The following TBC1D23 variants were observed in gnomAD, a reference collection of about 807,000 sequenced individuals.
TBC1D23 encodes HCV non-structural protein 4A-transactivated protein 1.
TBC1D23 carries 55 observed loss-of-function variants against 91.4 expected under a neutral mutation model. That is an observed-to-expected ratio of 0.60 (90% confidence interval 0.48 to 0.75). The LOEUF (loss-of-function observed/expected upper bound fraction) is 0.75. Ranked by LOEUF, TBC1D23 falls within the 30% of genes least tolerant of loss-of-function variation. The probability of loss-of-function intolerance (pLI) is 0.00; values close to 1 mark genes in which losing one functional copy is unlikely to be tolerated. For missense variants in TBC1D23, 725 were observed against 836.1 expected (o/e 0.87, Z 1.64); for synonymous variants, 289 against 281.0 (o/e 1.03, Z -0.28).
Position 100,295,165 on chromosome 3 carries a change from C to A in TBC1D23, c.679C>A (p.Pro227Thr), listed in dbSNP as rs749976245. The change falls in exon 6 of 19, where the codon CCA becomes ACA. Residue 227 changes from proline to threonine, a missense_variant. Physicochemically the swap from Pro to Thr is conservative, Grantham distance 38 (BLOSUM62 -1). Transcript: ENST00000394144. ...IWDGYLQQAD[P>T]FFIYFLMLII... ...GGATGGATATCTACAACAAGCAGAT[C>A]CATTTTTTATTTATTTCTTAATGTT... 3.7e-6 allele frequency: 6 copies of A among 1,605,326 alleles called. No individual in the cohort carries two copies. Among genetic ancestry groups the A allele is most frequent in the Non-Finnish European group, 5.1e-6 (6 of 1,176,292 alleles).
intron 9 of TBC1D23, 58 bp downstream of exon 9, chr3:100,298,103 A>G (rs1180160878): frequency 2.5e-5 from 37 of 1,483,080 alleles, no homozygotes; most frequent in Non-Finnish European, 3.4e-5. Flanking sequence ...CAAGGAACCA[A>G]CTTCCTCCCT....
intron 4 of TBC1D23, among the ~76,000 whole-genome samples, chr3:100,287,213 A>G (rs1182201308): frequency 6.6e-6 from 1 of 152,150 alleles, no homozygotes; most frequent in Non-Finnish European, 1.5e-5. Flanking sequence ...CTTAAGCTCA[A>G]GCGATTCTCC....
intron 16 of TBC1D23, 39 bp from the exon 17 acceptor site, chr3:100,319,030 T>C (rs751585230): frequency 7.5e-7 from 1 of 1,333,512 alleles, no homozygotes; most frequent in South Asian, 1.3e-5. Flanking sequence ...ATTTTAAAAG[T>C]TGGTAATATC....
At position 100,269,014 on chromosome 3, in the gene TBC1D23, G is replaced by A. The variant is rs145745281; in HGVS notation, c.53+7943G>A. Among the ~76,000 whole-genome samples, 713 of 152,250 alleles carry A rather than the reference G, an allele frequency of 4.7e-3. 2 individuals are homozygous for A. Among genetic ancestry groups the A allele is most frequent in the Non-Finnish European group, 6.4e-3 (432 of 68,010 alleles). ...TTTTCTTAGCAGAGAAAAGGGCACCGTTGGTACCATTGGTGTAATTTGATC... is the reference window on the plus strand; with the variant it reads ...TTTTCTTAGCAGAGAAAAGGGCACCATTGGTACCATTGGTGTAATTTGATC... On this transcript the variant is annotated intron_variant, in intron 1 of 18. Coordinates refer to ENST00000394144, the MANE Select transcript of TBC1D23 (RefSeq NM_001199198.3).
At chr3:100,321,941 T>A (rs1020621848) in intron 18 of TBC1D23, among the ~76,000 whole-genome samples, 15 of 152,036 alleles carry the variant, frequency 9.9e-5, no homozygotes, top group African/African-American at 3.6e-4. Flanking sequence ...GTTAACACAT[T>A]GATGTGTATC....
In TBC1D23 at chr3:100,325,074, T is replaced by G. The variant is rs1158081916; in HGVS notation, c.*1406T>G. On this transcript the variant is annotated 3_prime_UTR_variant, in exon 19 of 19. Coordinates refer to ENST00000394144, the MANE Select transcript of TBC1D23 (RefSeq NM_001199198.3). ...TGATATAACTCTCCCCTAAAACTGT[T>G]GTAATTGCATTTTTTCCCTTTTCTT... 6.6e-6 allele frequency: 1 copy of G among 152,258 alleles called. No homozygotes were observed. Among genetic ancestry groups the G allele is most frequent in the Non-Finnish European group, 1.5e-5 (1 of 68,048 alleles). The allele number at this position is 152,258 out of a possible 1,614,324, so 9.4% of individuals were successfully genotyped here.
chr3:100,318,958 G>C, intron 16 of TBC1D23, 111 bp from the exon 17 acceptor site: 1 of 666,910 alleles, frequency 1.5e-6, no homozygotes, highest in South Asian at 2.3e-5. Context: ...CAGGCTGTTT[G>C]TTTTTCAATC....
chr3:100,291,748 A>C, intron 5 of TBC1D23, among the ~76,000 whole-genome samples: 1 of 151,356 alleles, frequency 6.6e-6, no homozygotes, highest in Non-Finnish European at 1.5e-5. Context: ...AAATCTCATT[A>C]ATGTTTGGCT....
At chr3:100,265,912 G>A (rs1426358585) in intron 1 of TBC1D23, among the ~76,000 whole-genome samples, 1 of 152,118 alleles carries the variant, frequency 6.6e-6, no homozygotes, top group Non-Finnish European at 1.5e-5. Context: ...TACTATCAGT[G>A]TTCCCCATTT....
chr3:100,322,032 G>A (rs960245338), intron 18 of TBC1D23, among the ~76,000 whole-genome samples: 1 of 151,502 alleles, frequency 6.6e-6, no homozygotes, highest in Non-Finnish European at 1.5e-5. Context: ...TTTGTGTTCT[G>A]ATTTTTTAAG....
intron 1 of TBC1D23, among the ~76,000 whole-genome samples, chr3:100,269,058 A>G (rs2067580009): frequency 6.6e-6 from 1 of 152,240 alleles, no homozygotes. Flanking sequence ...TTGTGGATCA[A>G]AAATAAATCT....
At chr3:100,292,614 T>C (rs2067801389) in intron 5 of TBC1D23, among the ~76,000 whole-genome samples, 1 of 152,172 alleles carries the variant, frequency 6.6e-6, no homozygotes, top group Admixed American at 6.5e-5. Flanking sequence ...TGTTTTTGTT[T>C]TTGAGACGAG....
chr3:100,297,849 G>A lies in TBC1D23; in HGVS notation c.877-74G>A, dbSNP rs545490023. The A allele has an allele frequency of 5.4e-5, 71 of 1,307,534 alleles. No individual in the cohort carries two copies. The African/African-American group carries it at 9.4e-4, about 17-fold the overall frequency. The allele number at this position is 1,307,534 out of a possible 1,614,324, so 81.0% of individuals were successfully genotyped here. ...TATTATAATTTTACCTTTTATCATG[G>A]TTTAATAAGAATATTTTTAGGAAGA... is the stretch of plus-strand genomic sequence containing the variant. On this transcript the variant is annotated intron_variant, in intron 8 of 18. Transcript: ENST00000394144.
chr3:100,304,428 G>A (rs1443866734), intron 11 of TBC1D23, among the ~76,000 whole-genome samples: 1 of 151,694 alleles, frequency 6.6e-6, no homozygotes, highest in Non-Finnish European at 1.5e-5. Flanking sequence ...TTTGCAAAAT[G>A]GTAACATTCC....
intron 12 of TBC1D23, 72 bp downstream of exon 12, chr3:100,304,960 A>T (rs1475369292): frequency 3.5e-6 from 3 of 848,902 alleles, no homozygotes; most frequent in African/African-American, 3.4e-5. Context: ...AATAGAGTTG[A>T]TCTGGAGTGG....
intron 4 of TBC1D23, among the ~76,000 whole-genome samples, chr3:100,285,457 C>T (rs1398498869): frequency 6.6e-6 from 1 of 152,084 alleles, no homozygotes; most frequent in African/African-American, 2.4e-5. Context: ...TATGCGTATA[C>T]CGCATTTTAT....
At chr3:100,284,367 T>C (rs1213424302) in intron 4 of TBC1D23, among the ~76,000 whole-genome samples, 2 of 151,982 alleles carry the variant, frequency 1.3e-5, no homozygotes, top group African/African-American at 4.8e-5. Flanking sequence ...TATATATAAT[T>C]CTTCCAGTTT....
intron 7 of TBC1D23, 43 bp from the exon 8 acceptor site, chr3:100,296,129 C>T: frequency 1.8e-6 from 2 of 1,142,488 alleles, no homozygotes; most frequent in Non-Finnish European, 2.5e-6. Context: ...ACAATATTTG[C>T]ATTTTTCACA....
At chr3:100,311,619 T>C (rs2148869338) in intron 14 of TBC1D23, among the ~76,000 whole-genome samples, 1 of 152,346 alleles carries the variant, frequency 6.6e-6, no homozygotes, top group Non-Finnish European at 1.5e-5. Flanking sequence ...TGTTTTAAAA[T>C]GTACTGGTGA....
Sources: allele counts gnomAD v4.1 joint callset (sites outside exome capture counted in the v4.1 genomes callset), GRCh38; gene constraint gnomAD v4.1.1; transcripts MANE v1.5; gene names NCBI Gene and HGNC (gene_info 2026-07-23, HGNC 2026-07-21).